The following LENG1 variants were observed in gnomAD, a reference collection of about 807,000 sequenced individuals.
LENG1 encodes the protein leukocyte receptor cluster member 1.
Under a neutral mutation model 28.8 loss-of-function variants are expected in LENG1, and 35 were observed. The observed-to-expected ratio is 1.22, with a 90% CI of 0.93 to 1.61. The LOEUF is 1.61. LENG1 is among the 40% of genes most tolerant of loss of function. The pLI, the probability that LENG1 is intolerant of heterozygous loss-of-function variation, is 0.00. For missense variants in LENG1, 404 were observed against 348.9 expected (o/e 1.16, Z -1.26); for synonymous variants, 170 against 140.6 (o/e 1.21, Z -1.48).
intron 2 of LENG1, 105 bp from the exon 3 acceptor site, chr19:54,157,130 T>C: frequency 3.3e-6 from 3 of 898,778 alleles, no homozygotes; most frequent in East Asian, 2.9e-5. Flanking sequence ...AGGCTTGTTA[T>C]GAACCAGTTG....
At chr19:54,157,124 T>G in intron 2 of LENG1, 99 bp from the exon 3 acceptor site, 5 of 992,564 alleles carry the variant, frequency 5.0e-6, no homozygotes, top group Non-Finnish European at 7.1e-6. Context: ...TATCTAAGGC[T>G]TGTTATGAAC....
chr19:54,159,470 C>T (rs768877811), intron 1 of LENG1, 94 bp downstream of exon 1: 14 of 1,319,782 alleles, frequency 1.1e-5, no homozygotes, highest in Admixed American at 2.9e-5. Flanking sequence ...ACACGGGGCA[C>T]ATTGAGCCTG....
rs779219538 is a variant in LENG1, at chr19:54,158,354, C to A, written c.240G>T (p.Arg80=). The stretch of plus-strand genomic sequence containing the variant: ...CTCCTTTCCCTTCCTCCAGCAGCTC[C>A]CGAAACAGGTCCACAGGGCCAGAAC... The part of the protein sequence containing the change: ...APGSGPVDLF[R]ELLEEGKGVI... Residue 80 remains arginine, a synonymous_variant, in exon 2 of 4, where the codon CGG becomes CGT. Transcript: ENST00000222224. 23 of 1,614,106 alleles carry A rather than the reference C, an allele frequency of 1.4e-5. No individual in the cohort carries two copies. The highest frequency in any genetic ancestry group is 1.8e-5 in the Non-Finnish European group (21 of 1,180,036).
Position 54,155,892 on chromosome 19 carries a change from T to G in LENG1, c.624A>C (p.Ala208=). 6.2e-7 allele frequency: 1 copy of G among 1,612,798 alleles called. No individual in the cohort carries two copies. The highest frequency in any genetic ancestry group is 8.5e-7 in the Non-Finnish European group (1 of 1,179,770). ...GGGCCTCTGCCCGAGACCTCTCAGCTGCTTCCCTCCGCAGACGTTCAGCTC... is the reference window on the plus strand; with the variant it reads ...GGGCCTCTGCCCGAGACCTCTCAGCGGCTTCCCTCCGCAGACGTTCAGCTC... ...QLRAERLRRE[A]AERSRAEALL... is the part of the protein sequence containing the mutation. The change falls in exon 4 of 4, where the codon GCA becomes GCC. Residue 208 remains alanine, a synonymous_variant. Transcript: ENST00000222224.
chr19:54,159,487 G>A (rs965563114), intron 1 of LENG1, 77 bp downstream of exon 1: 3 of 1,412,192 alleles, frequency 2.1e-6, no homozygotes, highest in Admixed American at 5.7e-5. Context: ...CCTGCGCAAC[G>A]CCTCCGCTTC....
Position 54,159,630 on chromosome 19 carries a change from A to G in LENG1, c.66T>C (p.Arg22=). ...RNKDNVARVR[R]DEAQAREEEK... ...CCTCCTCCCGGGCCTGGGCCTCGTC[A>G]CGCCGCACGCGGGCGACATTGTCCT... is the stretch of plus-strand genomic sequence containing the variant. Residue 22 remains arginine (R), a synonymous_variant, in exon 1 of 4, where the codon CGT becomes CGC. Coordinates refer to ENST00000222224, the MANE Select transcript of LENG1 (RefSeq NM_024316.3). 1 of 1,612,484 alleles carries G rather than the reference A, an allele frequency of 6.2e-7. No homozygotes were observed. Among genetic ancestry groups the G allele is most frequent in the East Asian group, 2.2e-5 (1 of 44,820 alleles).
intron 1 of LENG1, among the ~76,000 whole-genome samples, 173 bp from the exon 2 acceptor site, chr19:54,158,634 G>A (rs2075441969): frequency 6.6e-6 from 1 of 152,214 alleles, no homozygotes; most frequent in East Asian, 1.9e-4. Flanking sequence ...AGGCAGATGA[G>A]GCAACGCCTG....
At chr19:54,156,371 C>T (rs1265269412) in intron 3 of LENG1, among the ~76,000 whole-genome samples, 1 of 152,172 alleles carries the variant, frequency 6.6e-6, no homozygotes, top group Non-Finnish European at 1.5e-5. Context: ...AACCAAGGAC[C>T]CCAAGAGCTT....
At position 54,158,457 on chromosome 19, in the gene LENG1, C is replaced by G; in HGVS notation, c.137G>C (p.Arg46Pro). The G allele has an allele frequency of 6.2e-7, 1 of 1,613,754 alleles. No individual in the cohort carries two copies. Among genetic ancestry groups the G allele is most frequent in the Middle Eastern group, 1.7e-4 (1 of 6,058 alleles). The change falls in exon 2 of 4, where the codon CGT becomes CCT. Residue 46 changes from arginine to proline, a missense_variant. Physicochemically the swap from Arg to Pro is moderately radical, Grantham distance 103. Transcript: ENST00000222224. ...GGCTTTCTTCCGTAGGAATTCTGTA[C>G]GGGCCTGGGGAGAAAGTTATAGGCA... Reference protein sequence around the residue: ...RRVLLAQQEARTEFLRKKARH... With the variant: ...RRVLLAQQEAPTEFLRKKARH...
chr19:54,156,709 G>T, intron 3 of LENG1, 54 bp downstream of exon 3: 1 of 1,537,998 alleles, frequency 6.5e-7, no homozygotes, highest in South Asian at 1.3e-5. Context: ...ATGCTGGGCT[G>T]CTGCCAAGCC....
intron 3 of LENG1, among the ~76,000 whole-genome samples, chr19:54,156,246 C>G (rs769287679): frequency 6.6e-6 from 1 of 152,154 alleles, no homozygotes; most frequent in Non-Finnish European, 1.5e-5. Flanking sequence ...AGACTACAGG[C>G]AGTGTACCCC....
rs142261936 is a variant in LENG1, at chr19:54,156,768, G to C, written c.570C>G (p.Pro190=). The C allele has an allele frequency of 5.5e-4, 890 of 1,610,320 alleles. No homozygotes were observed. Among genetic ancestry groups the C allele is most frequent in the Non-Finnish European group, 7.2e-4 (850 of 1,177,750 alleles). Residue 190 remains proline, a synonymous_variant, in exon 3 of 4, where the codon CCC becomes CCG. Transcript: ENST00000222224. ...CCGAGGTGGGGTCTTCTTACTCCTT[G>C]GGTCGCTGCTTCTCAGACCCCTCCT... is the stretch of plus-strand genomic sequence containing the variant. ...KEKEGSEKQR[P]KEPPSLDQLR... is the part of the protein sequence containing the mutation.
chr19:54,158,922 G>C (rs185631425), intron 1 of LENG1, among the ~76,000 whole-genome samples: 6 of 152,326 alleles, frequency 3.9e-5, no homozygotes, highest in Non-Finnish European at 7.3e-5. Context: ...TCCCACCCAC[G>C]GCGGAGGATC....
rs760806233 is a variant in LENG1, at chr19:54,155,411, C to T, written c.*310G>A. The T allele has an allele frequency of 1.5e-5, 23 of 1,577,218 alleles. No individual in the cohort carries two copies. Among genetic ancestry groups the T allele is most frequent in the South Asian group, 1.1e-4 (10 of 88,158 alleles). ...GGAGGACCGGGACCTCCAGTGACAC[C>T]GGCCCCTCCCTCTACCCACCCCCTT... is the stretch of plus-strand genomic sequence containing the variant. On this transcript the variant is annotated 3_prime_UTR_variant, in exon 4 of 4. Coordinates refer to ENST00000222224, the MANE Select transcript of LENG1 (RefSeq NM_024316.3).
At chr19:54,159,500 G>GC in intron 1 of LENG1, 64 bp downstream of exon 1, 2 of 1,449,760 alleles carry the variant, frequency 1.4e-6, no homozygotes, top group Non-Finnish European at 9.1e-7. Flanking sequence ...TCCGCTTCCG[G>GC]CCCCCAACCG....
At chr19:54,159,263 T>A (rs187702416) in intron 1 of LENG1, among the ~76,000 whole-genome samples, 1 of 152,272 alleles carries the variant, frequency 6.6e-6, no homozygotes, top group Non-Finnish European at 1.5e-5. Flanking sequence ...CGAATTTCCT[T>A]GAACTGTCCA....
Position 54,159,661 on chromosome 19 carries a change from C to T in LENG1, c.35G>A (p.Arg12Gln), listed in dbSNP as rs1487760989. The stretch of plus-strand genomic sequence containing the variant: ...CACGCGGGCGACATTGTCCTTGTTC[C>T]GGACGTGCCAGCTCTTCTTGGGCAA... The part of the protein sequence containing the change: ...NILPKKSWHV[R>Q]NKDNVARVRR... Residue 12 changes from arginine to glutamine, a missense_variant, in exon 1 of 4, where the codon CGG (arginine) becomes CAG (glutamine). Physicochemically the swap from Arg to Gln is conservative, Grantham distance 43 (BLOSUM62 1). Transcript: ENST00000222224. The T allele has an allele frequency of 1.2e-6, 2 of 1,613,468 alleles. No individual in the cohort carries two copies. The highest frequency in any genetic ancestry group is 3.3e-5 in the Admixed American group (2 of 59,964).
intron 1 of LENG1, 128 bp downstream of exon 1, chr19:54,159,436 G>T: frequency 9.8e-7 from 1 of 1,016,194 alleles, no homozygotes; most frequent in Non-Finnish European, 1.4e-6. Context: ...TCGAAAGTGG[G>T]ATCGGCGCCT....
chr19:54,159,588 C>T lies in LENG1; in HGVS notation c.108G>A (p.Arg36=), dbSNP rs1300586500. The change falls in exon 1 of 4, where the codon CGG becomes CGA. Residue 36 remains arginine (R), a synonymous_variant. Transcript: ENST00000222224. ...QAREEEKERE[R]RVLLAQQEAR... is the part of the protein sequence containing the mutation. ...CCTCTTGCTGAGCCAGCAGCACCCT[C>T]CGCTCACGCTCCTTCTCCTCCTCCC... 2 of 1,595,394 alleles carry T rather than the reference C, an allele frequency of 1.3e-6. No homozygotes were observed. The highest frequency in any genetic ancestry group is 4.5e-5 in the East Asian group (2 of 44,234).
Sources: allele counts gnomAD v4.1 joint callset (sites outside exome capture counted in the v4.1 genomes callset), GRCh38; gene constraint gnomAD v4.1.1; transcripts MANE v1.5; gene names NCBI Gene and HGNC (gene_info 2026-07-23, HGNC 2026-07-21).